Variants in NR2C2 observed in about 807,000 individuals in gnomAD.
NR2C2 encodes the protein nuclear receptor subfamily 2 group C member 2, also known as Nuclear hormone receptor TR4.
Under a neutral mutation model 62.9 loss-of-function variants are expected in NR2C2, and 6 were observed. The observed-to-expected ratio is 0.10, with a 90% confidence interval of 0.05 to 0.19. NR2C2 has a LOEUF of 0.19. NR2C2 is among the 10% of genes least tolerant of loss of function. The pLI, the probability that NR2C2 is intolerant of heterozygous loss-of-function variation, is 1.00. For synonymous variants in NR2C2, 272 were observed against 273.8 expected, an observed-to-expected ratio of 0.99 and a Z score of 0.07; for missense variants, 479 against 762.7, an observed-to-expected ratio of 0.63 and a Z score of 4.38.
chr3:14,954,990 C>G (rs1206705959), intron 1 of NR2C2, among the ~76,000 whole-genome samples: 1 of 152,064 alleles, frequency 6.6e-6, no homozygotes, highest in Non-Finnish European at 1.5e-5. Context: ...GCCACCATGC[C>G]CAGCTAATTT....
At chr3:14,988,533 A>T (rs1168950431) in intron 1 of NR2C2, among the ~76,000 whole-genome samples, 1 of 152,224 alleles carries the variant, frequency 6.6e-6, no homozygotes, top group Non-Finnish European at 1.5e-5. Context: ...GAAGGACCAG[A>T]TCTCTTGACC....
chr3:15,019,027 A>T (rs2041594270), intron 4 of NR2C2, among the ~76,000 whole-genome samples: 1 of 149,216 alleles, frequency 6.7e-6, no homozygotes, highest in Admixed American at 6.7e-5. Context: ...AAAAAAAAAA[A>T]AAAAAAAAAA....
intron 13 of NR2C2, among the ~76,000 whole-genome samples, chr3:15,040,945 G>C (rs1365327376): frequency 6.6e-6 from 1 of 152,222 alleles, no homozygotes; most frequent in African/African-American, 2.4e-5. Context: ...TACTGGCAGA[G>C]CCACAGCACA....
intron 6 of NR2C2, among the ~76,000 whole-genome samples, chr3:15,023,778 C>CAG (rs1055232142): frequency 6.6e-6 from 1 of 152,224 alleles, no homozygotes; most frequent in African/African-American, 2.4e-5. Context: ...CAAAATGTAT[C>CAG]AGAGAGAGAG....
intron 1 of NR2C2, among the ~76,000 whole-genome samples, chr3:14,987,062 A>T (rs187889100): frequency 6.6e-4 from 101 of 152,212 alleles, no homozygotes; most frequent in South Asian, 1.7e-3. Context: ...TATTTCTTAG[A>T]TGGGTAAGAA....
chr3:15,046,136 G>C lies in NR2C2; in HGVS notation c.*3128G>C, dbSNP rs1264629509. ...CATACTCTCCTAATTTGACATTTCT[G>C]TGTCCTGAGGAGTTACATTTATTGT... On this transcript the variant is annotated 3_prime_UTR_variant, in exon 14 of 14. Transcript: ENST00000425241. The C allele has an allele frequency of 6.6e-6, 1 of 152,222 alleles. No individual in the cohort carries two copies. The highest frequency in any genetic ancestry group is 1.5e-5 in the Non-Finnish European group (1 of 68,034). The allele number at this position is 152,222 out of a possible 1,614,324, so 9.4% of individuals were successfully genotyped here. A position where few individuals can be genotyped will look rare whatever the true frequency, so the allele number is the denominator to read the frequency against.
intron 1 of NR2C2, among the ~76,000 whole-genome samples, chr3:14,952,957 G>A (rs2039412971): frequency 6.6e-6 from 1 of 152,210 alleles, no homozygotes; most frequent in East Asian, 1.9e-4. Flanking sequence ...AATGACTAGA[G>A]GGATGAAAGC....
chr3:14,982,819 C>T (rs1044790307), intron 1 of NR2C2, among the ~76,000 whole-genome samples: 1 of 152,160 alleles, frequency 6.6e-6, no homozygotes, highest in Non-Finnish European at 1.5e-5. Flanking sequence ...GTGTTGATAG[C>T]AGGCATCCTT....
intron 1 of NR2C2, chr3:14,959,525 T>C (rs186683582): frequency 6.6e-6 from 1 of 152,190 alleles, no homozygotes; most frequent in Non-Finnish European, 1.5e-5. Flanking sequence ...TGTCTCTGCT[T>C]GTTTTTCCAG....
At chr3:14,977,523 G>T (rs1264704639) in intron 1 of NR2C2, among the ~76,000 whole-genome samples, 1 of 152,010 alleles carries the variant, frequency 6.6e-6, no homozygotes, top group African/African-American at 2.4e-5. Flanking sequence ...TTCTCTTTGA[G>T]TGTTAATTGC....
intron 10 of NR2C2, chr3:15,034,227 C>A (rs2042049329): frequency 6.5e-6 from 1 of 153,144 alleles, no homozygotes; most frequent in African/African-American, 2.4e-5. Flanking sequence ...CAAAGCCTGC[C>A]TCCTGCCCTG....
At chr3:14,993,009 A>G (rs2040712879) in intron 1 of NR2C2, among the ~76,000 whole-genome samples, 1 of 152,254 alleles carries the variant, frequency 6.6e-6, no homozygotes, top group Non-Finnish European at 1.5e-5. Flanking sequence ...AGGATAAGGC[A>G]GAAGCCAAGA....
rs557519850 is a variant in NR2C2 at position 15,044,179 on chromosome 3, G to C, written c.*1171G>C. On this transcript the variant is annotated 3_prime_UTR_variant, in exon 14 of 14. Coordinates refer to ENST00000425241, the MANE Select transcript of NR2C2 (RefSeq NM_001291694.2). Reference sequence around the variant, plus strand: ...CGCCTGGCGAGAGTGGTTAGGGCCTGGTAAAGCTGGATGGAAGGTTTCAGG... The same window carrying C: ...CGCCTGGCGAGAGTGGTTAGGGCCTCGTAAAGCTGGATGGAAGGTTTCAGG... The C allele has an allele frequency of 8.5e-5, 13 of 152,292 alleles. No individual in the cohort carries two copies. The highest frequency in any genetic ancestry group is 2.4e-4 in the African/African-American group (10 of 41,570). 9.4% of individuals were successfully genotyped at this position (152,292 alleles called of 1,614,324 possible).
chr3:15,047,183 A>G lies in NR2C2; in HGVS notation c.*4175A>G, dbSNP rs2042486877. Reference sequence around the variant, plus strand: ...AAAGAGAGTTTTTCATAAAGTTGCTAATGTAAACTGATATGGGTGTTCCAA... The same window carrying G: ...AAAGAGAGTTTTTCATAAAGTTGCTGATGTAAACTGATATGGGTGTTCCAA... On this transcript the variant is annotated 3_prime_UTR_variant, in exon 14 of 14. Transcript: ENST00000425241. 1 of 152,640 alleles carries G rather than the reference A, an allele frequency of 6.6e-6. No homozygotes were observed. Among genetic ancestry groups the G allele is most frequent in the African/African-American group, 2.4e-5 (1 of 41,438 alleles). 9.5% of individuals were successfully genotyped at this position (152,640 alleles called of 1,614,324 possible).
At chr3:14,983,460 T>TAC (rs1474339720) in intron 1 of NR2C2, among the ~76,000 whole-genome samples, 3 of 96,152 alleles carry the variant, frequency 3.1e-5, no homozygotes, top group African/African-American at 4.7e-5. Context: ...TTATACTCTT[T>TAC]ATACACACAC....
At position 14,947,735 on chromosome 3, in the gene NR2C2, C is replaced by G. The variant is rs1482428137; in HGVS notation, c.-211C>G. On this transcript the variant is annotated 5_prime_UTR_variant, in exon 1 of 14. Coordinates refer to ENST00000425241, the MANE Select transcript of NR2C2 (RefSeq NM_001291694.2). ...CGGGCCCGTCCCCGCCACCCCGCTCCCACCTCGGCGTCTCGTCTCTCGCCC... is the reference window on the plus strand; with the variant it reads ...CGGGCCCGTCCCCGCCACCCCGCTCGCACCTCGGCGTCTCGTCTCTCGCCC... 1 of 149,686 alleles carries G rather than the reference C, an allele frequency of 6.7e-6. No homozygotes were observed. Among genetic ancestry groups the G allele is most frequent in the Admixed American group, 6.6e-5 (1 of 15,056 alleles). The allele number at this position is 149,686 out of a possible 1,614,324, so 9.3% of individuals were successfully genotyped here.
chr3:14,952,268 A>G (rs2039388158), intron 1 of NR2C2, among the ~76,000 whole-genome samples: 1 of 152,218 alleles, frequency 6.6e-6, no homozygotes, highest in Admixed American at 6.5e-5. Flanking sequence ...TTTGAGAACA[A>G]GGGAGGTGAG....
chr3:14,986,632 G>A (rs1284070253), intron 1 of NR2C2, among the ~76,000 whole-genome samples: 2 of 152,092 alleles, frequency 1.3e-5, no homozygotes, highest in African/African-American at 4.8e-5. Flanking sequence ...CTGTGTCTGA[G>A]GTATACCTTT....
intron 2 of NR2C2, among the ~76,000 whole-genome samples, chr3:15,005,510 C>T (rs1396603844): frequency 7.2e-6 from 1 of 138,526 alleles, no homozygotes; most frequent in Non-Finnish European, 1.5e-5. Flanking sequence ...AGCCAGCGTG[C>T]GTGGCCAACT....
Sources: allele counts gnomAD v4.1 joint callset (sites outside exome capture counted in the v4.1 genomes callset), GRCh38; gene constraint gnomAD v4.1.1; transcripts MANE v1.5; gene names NCBI Gene and HGNC (gene_info 2026-07-23, HGNC 2026-07-21).